Variants in MYO9A observed in about 807,000 individuals in gnomAD.
MYO9A encodes the protein unconventional myosin-IXa.
MYO9A carries 103 observed loss-of-function variants against 293.3 expected under a neutral mutation model. The observed-to-expected ratio is 0.35, with a 90% CI of 0.30 to 0.41. The LOEUF (loss-of-function observed/expected upper bound fraction) is 0.41, where lower values mean the gene tolerates loss of function less well. MYO9A is among the 10% of genes least tolerant of loss of function. The pLI is 1.00. For missense variants in MYO9A, 2,685 were observed against 3,033.0 expected (o/e 0.89, Z 2.69); for synonymous variants, 1,001 against 1,035.7 (o/e 0.97, Z 0.64).
At position 71,855,654 on chromosome 15, in the gene MYO9A, C is replaced by G. The variant is rs147249040; in HGVS notation, c.6154-1085G>C. On this transcript the variant is annotated intron_variant, in intron 34 of 41. Coordinates refer to ENST00000356056, the MANE Select transcript of MYO9A (RefSeq NM_006901.4). The stretch of plus-strand genomic sequence containing the variant: ...TTTTCTCCTTTAACCTGCATCCAAC[C>G]AGTTGCCAAGTCAATCAGTTCATCC... Among the ~76,000 whole-genome samples the G allele has an allele frequency of 2.0e-4, 31 of 152,180 alleles. No individual in the cohort carries two copies. The East Asian group carries it at 6.0e-3, about 29-fold the overall frequency.
At chr15:71,842,003 T>G (rs1311770092) in intron 39 of MYO9A, among the ~76,000 whole-genome samples, 1 of 151,812 alleles carries the variant, frequency 6.6e-6, no homozygotes, top group Non-Finnish European at 1.5e-5. Flanking sequence ...TGTATGGGGG[T>G]GTGTGTATAA....
At chr15:71,840,233 T>TAA (rs2055096077) in intron 39 of MYO9A, among the ~76,000 whole-genome samples, 2 of 152,224 alleles carry the variant, frequency 1.3e-5, no homozygotes, top group Admixed American at 1.3e-4. Flanking sequence ...TTAATTCCTG[T>TAA]ACAGGCATAA....
intron 39 of MYO9A, among the ~76,000 whole-genome samples, chr15:71,847,977 G>A (rs1308016936): frequency 1.3e-5 from 2 of 152,144 alleles, no homozygotes; most frequent in African/African-American, 2.4e-5. Flanking sequence ...ATGGGAGGAA[G>A]TACTGCTGGA....
At chr15:71,974,346 T>G (rs1246495578) in intron 12 of MYO9A, among the ~76,000 whole-genome samples, 2 of 152,196 alleles carry the variant, frequency 1.3e-5, no homozygotes, top group Admixed American at 6.5e-5. Flanking sequence ...GAGTGTGTGC[T>G]CACATTCAAC....
intron 3 of MYO9A, among the ~76,000 whole-genome samples, chr15:72,029,299 G>T (rs995023578): frequency 1.3e-5 from 2 of 152,168 alleles, no homozygotes; most frequent in Non-Finnish European, 2.9e-5. Context: ...TCTGAGAAAT[G>T]CATCATTAGA....
At chr15:71,877,904 T>A (rs2056743024) in intron 31 of MYO9A, 136 bp downstream of exon 31, 1 of 677,008 alleles carries the variant, frequency 1.5e-6, no homozygotes, top group South Asian at 2.2e-5. Flanking sequence ...AAAGTGGCGC[T>A]AAGTTGACAT....
rs1329865221 is a variant in MYO9A, at chr15:71,850,026, C to T, written c.6713+10G>A. ...TGAGGTCTTGCAAAGGTTATGGTAA[C>T]TGGCCTTACGTGGTAGTCTTACTGA... On this transcript the variant is annotated intron_variant, in intron 38 of 41. Transcript: ENST00000356056. 2.4e-5 allele frequency: 39 copies of T among 1,613,716 alleles called. No homozygotes were observed. The highest frequency in any genetic ancestry group is 3.1e-5 in the Non-Finnish European group (37 of 1,179,782).
At chr15:71,999,497 A>C (rs1305893896) in intron 9 of MYO9A, among the ~76,000 whole-genome samples, 1 of 152,134 alleles carries the variant, frequency 6.6e-6, no homozygotes, top group Non-Finnish European at 1.5e-5. Context: ...TAACCAAAAA[A>C]GTATGATGTG....
chr15:71,960,932 G>A (rs191600683), intron 13 of MYO9A, among the ~76,000 whole-genome samples: 222 of 152,234 alleles, frequency 1.5e-3, no homozygotes, highest in African/African-American at 4.7e-3. Flanking sequence ...ACCACAGGCT[G>A]GAGCACTGGG....
chr15:71,971,932 T>A (rs1372217790), intron 12 of MYO9A, among the ~76,000 whole-genome samples: 1 of 152,018 alleles, frequency 6.6e-6, no homozygotes, highest in African/African-American at 2.4e-5. Flanking sequence ...AAACAGAATC[T>A]CTCTCTCTAA....
rs117348680 is a variant in MYO9A, at chr15:72,097,379, G to A, written c.-72+20301C>T. ...ATGAAGGCTCAGATGACCGATGACC[G>A]TTAGCATTTTTTTAATATTTTCTAA... is the stretch of plus-strand genomic sequence containing the variant. On this transcript the variant is annotated intron_variant, in intron 1 of 41. Coordinates refer to ENST00000356056, the MANE Select transcript of MYO9A (RefSeq NM_006901.4). 4.1e-3 allele frequency among the ~76,000 whole-genome samples: 626 copies of A among 152,242 alleles called. 2 individuals are homozygous for A. The highest frequency in any genetic ancestry group is 7.3e-3 in the Non-Finnish European group (496 of 68,014).
intron 27 of MYO9A, among the ~76,000 whole-genome samples, chr15:71,887,291 G>A (rs1163378436): frequency 1.3e-5 from 2 of 152,100 alleles, no homozygotes; most frequent in Non-Finnish European, 2.9e-5. Context: ...ATACTGAAGG[G>A]AACCAGTATG....
intron 11 of MYO9A, among the ~76,000 whole-genome samples, chr15:71,983,672 G>A (rs1282713935): frequency 6.6e-6 from 1 of 150,586 alleles, no homozygotes; most frequent in Non-Finnish European, 1.5e-5. Flanking sequence ...TAGTAGAGTC[G>A]GGGTTTCACC....
At chr15:72,039,917 G>A (rs2957750) in intron 2 of MYO9A, 115,133 of 172,970 alleles carry the variant, frequency 0.67, 39,362 homozygotes, top group Middle Eastern at 0.74. Flanking sequence ...CACAGCCTCC[G>A]TTCCTCTGTG....
At chr15:72,050,550 T>A (rs2078527280) in intron 1 of MYO9A, among the ~76,000 whole-genome samples, 1 of 152,080 alleles carries the variant, frequency 6.6e-6, no homozygotes, top group African/African-American at 2.4e-5. Flanking sequence ...GAGCTTGCAG[T>A]GAGCCAAGAT....
intron 4 of MYO9A, 84 bp from the exon 5 acceptor site, chr15:72,021,101 A>T (rs12914208): frequency 0.017 from 12,891 of 775,844 alleles, 151 homozygotes; most frequent in East Asian, 0.026. Context: ...GCAAACAGTA[A>T]TTAGTAAAAT....
In MYO9A at chr15:71,825,909, A is replaced by AAAAT. The variant is rs202038477; in HGVS notation, c.*667_*670dup. 32 of 152,182 alleles carry AAAAT rather than the reference A, an allele frequency of 2.1e-4. No homozygotes were observed. Among genetic ancestry groups the AAAAT allele is most frequent in the African/African-American group, 6.0e-4 (25 of 41,488 alleles). The allele number at this position is 152,182 out of a possible 1,614,324, so 9.4% of individuals were successfully genotyped here. Reference sequence around the variant, plus strand: ...ACTATGACATCAAACATCATCAAAAAAAATAGGTATTCTCTTCTTCACTGT... The same window carrying AAAAT: ...ACTATGACATCAAACATCATCAAAAAAAATAAATAGGTATTCTCTTCTTCACTGT... On this transcript the variant is annotated 3_prime_UTR_variant, in exon 42 of 42. Transcript: ENST00000356056.
At chr15:72,023,695 C>CAAAAAAAA (rs368209775) in intron 4 of MYO9A, among the ~76,000 whole-genome samples, 3 of 51,308 alleles carry the variant, frequency 5.8e-5, no homozygotes, top group Admixed American at 2.1e-4. Context: ...AACTCTGTCT[C>CAAAAAAAA]AAAAAAAAAA....
Position 71,901,392 on chromosome 15 carries a change from T to G in MYO9A, c.3001-52A>C, listed in dbSNP as rs746350669. ...TGCAGCTTAAGAAGAAATGAGAAAT[T>G]TATTTCATGAATCATCCTTTCTGTG... On this transcript the variant is annotated intron_variant, in intron 22 of 41. Transcript: ENST00000356056. 32 of 1,534,574 alleles carry G rather than the reference T, an allele frequency of 2.1e-5. No homozygotes were observed. In the South Asian group the frequency reaches 3.3e-4, roughly 16 times the overall value.
Sources: allele counts gnomAD v4.1 joint callset (sites outside exome capture counted in the v4.1 genomes callset), GRCh38; gene constraint gnomAD v4.1.1; transcripts MANE v1.5; gene names NCBI Gene and HGNC (gene_info 2026-07-23, HGNC 2026-07-21).